Variants in PLA2G12B observed in about 807,000 individuals in gnomAD.
PLA2G12B encodes the protein phospholipase A2 group XIIB, also known as group XIIB secretory phospholipase A2-like protein.
Under a neutral mutation model 22.3 loss-of-function variants are expected in PLA2G12B, and 19 were observed. The ratio of observed to expected loss-of-function variants is 0.85; its 90% CI spans 0.60 to 1.25. PLA2G12B has a LOEUF of 1.25. Ranked by LOEUF, PLA2G12B falls within the 50% of genes most tolerant of loss-of-function variation. The probability of loss-of-function intolerance (pLI) is 0.00; values close to 1 mark genes in which losing one functional copy is unlikely to be tolerated. For missense variants in PLA2G12B, 191 were observed against 246.6 expected, an observed-to-expected ratio of 0.77 and a Z score of 1.51; for synonymous variants, 81 against 94.9, an observed-to-expected ratio of 0.85 and a Z score of 0.85.
In PLA2G12B at chr10:72,935,664, G is replaced by A. The variant is rs1846269212; in HGVS notation, c.541C>T (p.Gln181Ter). The part of the protein sequence containing the change: ...TLGCRPFMNS[Q>*]RAACICAEEE... Reference sequence around the variant, plus strand: ...TCTGCACAGATGCAAGCTGCCCGCTGACTATTCATAAAGGGGCGGCAGCCC... The same window carrying A: ...TCTGCACAGATGCAAGCTGCCCGCTAACTATTCATAAAGGGGCGGCAGCCC... Residue 181 changes from glutamine to a stop codon, truncating the protein, a stop_gained, in exon 4 of 4, where the codon CAG (glutamine) becomes TAG (stop). Coordinates refer to ENST00000373032, the MANE Select transcript of PLA2G12B (RefSeq NM_032562.5). LOFTEE classifies it high-confidence loss of function. 2 of 1,614,058 alleles carry A rather than the reference G, an allele frequency of 1.2e-6. No individual in the cohort carries two copies. The highest frequency in any genetic ancestry group is 1.7e-6 in the Non-Finnish European group (2 of 1,180,026).
At chr10:72,945,268 C>T (rs372895221) in intron 1 of PLA2G12B, among the ~76,000 whole-genome samples, 2 of 152,094 alleles carry the variant, frequency 1.3e-5, no homozygotes, top group African/African-American at 4.8e-5. Context: ...GTGTGTTCCT[C>T]CTAAGATTAA....
intron 3 of PLA2G12B, among the ~76,000 whole-genome samples, chr10:72,937,029 G>A (rs1846289150): frequency 6.6e-6 from 1 of 152,114 alleles, no homozygotes; most frequent in South Asian, 2.1e-4. Flanking sequence ...GGCTAACACG[G>A]TGAAACCTTG....
rs773453850 is a variant in PLA2G12B, at chr10:72,954,568, GGAGGTGCC to G, written c.110_117del (p.Arg37ProfsTer5). The G allele has an allele frequency of 6.2e-7, 1 of 1,614,150 alleles. No individual in the cohort carries two copies. The highest frequency in any genetic ancestry group is 1.1e-5 in the South Asian group (1 of 91,078). On this transcript the variant is annotated frameshift_variant, in exon 1 of 4. Transcript: ENST00000373032. LOFTEE classifies it high-confidence loss of function. ...CTATTGACGGATTCAAAGCTTCCCC[GGAGGTGCC>G]GAAGGCCCCAGTCTGAATAGGACTC...
At chr10:72,946,884 C>T (rs772531397) in intron 1 of PLA2G12B, among the ~76,000 whole-genome samples, 16 of 150,980 alleles carry the variant, frequency 1.1e-4, no homozygotes, top group Non-Finnish European at 1.5e-4. Flanking sequence ...TGTCTTTTCA[C>T]GTTTTTGATG....
At chr10:72,936,052 T>C (rs1846275519) in intron 3 of PLA2G12B, among the ~76,000 whole-genome samples, 1 of 152,164 alleles carries the variant, frequency 6.6e-6, no homozygotes, top group Non-Finnish European at 1.5e-5. Flanking sequence ...ACAACTATGT[T>C]TCCCATAGCT....
intron 1 of PLA2G12B, among the ~76,000 whole-genome samples, chr10:72,944,071 T>A (rs1453322827): frequency 1.3e-5 from 2 of 151,858 alleles, no homozygotes; most frequent in Non-Finnish European, 2.9e-5. Context: ...TTCCTCCTTT[T>A]CTTCTTCTGC....
At position 72,939,628 on chromosome 10, in the gene PLA2G12B, T is replaced by A. The variant is rs118033746; in HGVS notation, c.466+1541A>T. 3.8e-3 allele frequency among the ~76,000 whole-genome samples: 585 copies of A among 152,174 alleles called. 2 individuals carry two copies. The highest frequency in any genetic ancestry group is 6.1e-3 in the Non-Finnish European group (416 of 68,008). ...CAAGCTATCTGAAAATGCTTTGTGA[T>A]GTGTGGATTCATCTCACAGAAAGGA... On this transcript the variant is annotated intron_variant, in intron 3 of 3. Transcript: ENST00000373032.
At chr10:72,944,020 C>G (rs965591622) in intron 1 of PLA2G12B, among the ~76,000 whole-genome samples, 1 of 150,266 alleles carries the variant, frequency 6.7e-6, no homozygotes, top group Admixed American at 6.7e-5. Context: ...TCCTTCCTTC[C>G]TTTCTTCCTT....
Position 72,942,564 on chromosome 10 carries a change from C to G in PLA2G12B, c.300+88G>C. Reference sequence around the variant, plus strand: ...TTAATTGTATTCTTCAACTTTTTTCCAGAAATAATCACTTCCATCAAGGAT... The same window carrying G: ...TTAATTGTATTCTTCAACTTTTTTCGAGAAATAATCACTTCCATCAAGGAT... On this transcript the variant is annotated intron_variant, in intron 2 of 3. Coordinates refer to ENST00000373032, the MANE Select transcript of PLA2G12B (RefSeq NM_032562.5). 3 of 1,101,246 alleles carry G rather than the reference C, an allele frequency of 2.7e-6. No homozygotes were observed. In the Admixed American group the frequency reaches 9.6e-5, roughly 35 times the overall value. The allele number at this position is 1,101,246 out of a possible 1,614,324, so 68.2% of individuals were successfully genotyped here. A position where few individuals can be genotyped will look rare whatever the true frequency, so the allele number is the denominator to read the frequency against.
chr10:72,936,459 A>T (rs770373564), intron 3 of PLA2G12B, among the ~76,000 whole-genome samples: 67 of 152,228 alleles, frequency 4.4e-4, no homozygotes, highest in Non-Finnish European at 7.5e-4. Context: ...CAAAACATGG[A>T]TGAATCTTGA....
chr10:72,950,389 G>A (rs1846509627), intron 1 of PLA2G12B, among the ~76,000 whole-genome samples: 1 of 152,094 alleles, frequency 6.6e-6, no homozygotes, highest in Non-Finnish European at 1.5e-5. Flanking sequence ...CCTGGAAAAA[G>A]ATACAAACTC....
chr10:72,954,429 G>T (rs201197370), intron 1 of PLA2G12B, 46 bp downstream of exon 1: 2 of 1,612,276 alleles, frequency 1.2e-6, no homozygotes, highest in South Asian at 2.2e-5. Context: ...GCTGTCCATG[G>T]GTCCACCAGC....
intron 1 of PLA2G12B, among the ~76,000 whole-genome samples, chr10:72,950,125 G>T (rs1189428731): frequency 6.6e-6 from 1 of 152,204 alleles, no homozygotes; most frequent in African/African-American, 2.4e-5. Flanking sequence ...CTGTATTTCA[G>T]TCACTAAAAC....
chr10:72,935,439 TCAAA>T lies in PLA2G12B; in HGVS notation c.*174_*177del. The T allele has an allele frequency of 4.4e-6, 4 of 918,440 alleles. No homozygotes were observed. The highest frequency in any genetic ancestry group is 3.5e-4 in the Middle Eastern group (1 of 2,834). The allele number at this position is 918,440 out of a possible 1,614,324, so 56.9% of individuals were successfully genotyped here. Reference sequence around the variant, plus strand: ...CTTTCAAACCACTCCATGTCTTTTTTCAAATTTCCTCAAAGGATAGGACTCACTT... The same window carrying T: ...CTTTCAAACCACTCCATGTCTTTTTTTTTCCTCAAAGGATAGGACTCACTT... On this transcript the variant is annotated 3_prime_UTR_variant, in exon 4 of 4. Transcript: ENST00000373032.
At chr10:72,941,709 T>C (rs1846364338) in intron 2 of PLA2G12B, among the ~76,000 whole-genome samples, 1 of 152,092 alleles carries the variant, frequency 6.6e-6, no homozygotes, top group Admixed American at 6.6e-5. Context: ...ATATGAGATT[T>C]TGTGTGAGCA....
At chr10:72,943,753 G>T (rs1003111200) in intron 1 of PLA2G12B, among the ~76,000 whole-genome samples, 75 of 152,186 alleles carry the variant, frequency 4.9e-4, no homozygotes, top group African/African-American at 1.7e-3. Context: ...TAAGAAACTC[G>T]GGCTAAGAGG....
intron 3 of PLA2G12B, among the ~76,000 whole-genome samples, chr10:72,939,337 A>T (rs1045491650): frequency 6.6e-6 from 1 of 152,246 alleles, no homozygotes; most frequent in African/African-American, 2.4e-5. Context: ...TTGATTCACC[A>T]GGTTGGAAAC....
Position 72,935,489 on chromosome 10 carries a change from C to G in PLA2G12B, c.*128G>C. 1.5e-6 allele frequency: 2 copies of G among 1,353,744 alleles called. No homozygotes were observed. Among genetic ancestry groups the G allele is most frequent in the Non-Finnish European group, 2.0e-6 (2 of 995,534 alleles). The allele number at this position is 1,353,744 out of a possible 1,614,324, so 83.9% of individuals were successfully genotyped here. ...CACTTTCCAGCTGTAGAAAAATGTT[C>G]CCTTTCTCCTGCTTTGTGGTGTCCA... On this transcript the variant is annotated 3_prime_UTR_variant, in exon 4 of 4. Transcript: ENST00000373032.
chr10:72,945,714 C>A (rs922245962), intron 1 of PLA2G12B, among the ~76,000 whole-genome samples: 2 of 151,512 alleles, frequency 1.3e-5, no homozygotes, highest in African/African-American at 4.9e-5. Context: ...GTGGTGCGAT[C>A]TTGGCTCACC....
Sources: allele counts gnomAD v4.1 joint callset (sites outside exome capture counted in the v4.1 genomes callset), GRCh38; gene constraint gnomAD v4.1.1; transcripts MANE v1.5; gene names NCBI Gene and HGNC (gene_info 2026-07-23, HGNC 2026-07-21).